Variants in ATF2 observed in about 807,000 individuals in gnomAD.
The protein encoded by ATF2 is activating transcription factor 2.
In ATF2, 24 loss-of-function variants were observed where a neutral mutation model predicts 60.6. The observed-to-expected ratio is 0.40, with a 90% CI of 0.29 to 0.56. ATF2 has a LOEUF of 0.56. Among genes scored for constraint, ATF2 ranks in the 20% least tolerant of loss-of-function variants. The pLI, the probability that ATF2 is intolerant of heterozygous loss-of-function variation, is 0.54. For synonymous variants in ATF2, 206 were observed against 215.4 expected, an observed-to-expected ratio of 0.96 and a Z score of 0.38; for missense variants, 433 against 607.7, an observed-to-expected ratio of 0.71 and a Z score of 3.02.
rs371270320 is a variant in ATF2, at chr2:175,142,685, AAGAGAGAGAG to A, written c.-43-6209_-43-6200del. 8.3e-3 allele frequency among the ~76,000 whole-genome samples: 1,043 copies of A among 126,404 alleles called. 13 individuals are homozygous for A. The highest frequency in any genetic ancestry group is 0.029 in the African/African-American group (958 of 32,794). 82.9% of individuals were successfully genotyped at this position (126,404 alleles called of 152,430 possible). On this transcript the variant is annotated intron_variant, in intron 2 of 13. Coordinates refer to ENST00000264110, the MANE Select transcript of ATF2 (RefSeq NM_001880.4). ...TTCTAAAAAACCCTAACGCTGCCGA[AAGAGAGAGAG>A]AGAGAGAGAGAGAGAGAGAGAGAGA...
At chr2:175,131,048 G>T (rs1559096887) in intron 3 of ATF2, among the ~76,000 whole-genome samples, 1 of 152,150 alleles carries the variant, frequency 6.6e-6, no homozygotes, top group South Asian at 2.1e-4. Flanking sequence ...ACTGCTTCAT[G>T]TTTAAAGCAT....
intron 2 of ATF2, among the ~76,000 whole-genome samples, chr2:175,141,593 C>A (rs12999002): frequency 1.3e-5 from 2 of 151,860 alleles, no homozygotes; most frequent in Non-Finnish European, 2.9e-5. Flanking sequence ...CCCGGGTTCA[C>A]GCCATTCTCC....
At chr2:175,075,810 A>T (rs1420611088) in intron 13 of ATF2, among the ~76,000 whole-genome samples, 2 of 152,210 alleles carry the variant, frequency 1.3e-5, no homozygotes, top group Non-Finnish European at 2.9e-5. Context: ...TTTTCTCTGC[A>T]GTTTTACCAC....
intron 10 of ATF2, among the ~76,000 whole-genome samples, chr2:175,097,902 C>T (rs998393859): frequency 3.3e-5 from 5 of 152,108 alleles, no homozygotes; most frequent in African/African-American, 1.2e-4. Context: ...TTTCCCTGTC[C>T]CCAGTAAGCA....
At chr2:175,112,736 T>C (rs1574400576) in intron 9 of ATF2, among the ~76,000 whole-genome samples, 1 of 152,126 alleles carries the variant, frequency 6.6e-6, no homozygotes, top group African/African-American at 2.4e-5. Flanking sequence ...GGTGCTTCCA[T>C]CACAACTGGC....
chr2:175,155,786 T>G (rs534879663), intron 1 of ATF2, among the ~76,000 whole-genome samples: 1 of 152,292 alleles, frequency 6.6e-6, no homozygotes, highest in South Asian at 2.1e-4. Flanking sequence ...TTCAAGCTTG[T>G]TTTTTAAAAC....
intron 12 of ATF2, among the ~76,000 whole-genome samples, chr2:175,087,028 A>G (rs1366957169): frequency 1.3e-5 from 2 of 152,136 alleles, no homozygotes; most frequent in African/African-American, 4.8e-5. Flanking sequence ...CAAAATAAAT[A>G]TCAAGGGGAT....
intron 1 of ATF2, among the ~76,000 whole-genome samples, chr2:175,160,544 T>C (rs2105361470): frequency 6.6e-6 from 1 of 152,304 alleles, no homozygotes; most frequent in Middle Eastern, 3.4e-3. Flanking sequence ...TCAACAATCA[T>C]TAAAACCTAC....
At chr2:175,148,667 C>CT (rs1699107268) in intron 2 of ATF2, among the ~76,000 whole-genome samples, 3 of 152,172 alleles carry the variant, frequency 2.0e-5, no homozygotes, top group South Asian at 4.1e-4. Context: ...AGAACAGACT[C>CT]TTTAAGTCTG....
At chr2:175,113,620 CAG>C (rs1179389796) in intron 9 of ATF2, among the ~76,000 whole-genome samples, 1 of 152,054 alleles carries the variant, frequency 6.6e-6, no homozygotes, top group Non-Finnish European at 1.5e-5. Flanking sequence ...CACAAAAATT[CAG>C]AGTGTGTCTT....
intron 10 of ATF2, among the ~76,000 whole-genome samples, chr2:175,110,322 G>A (rs1443934638): frequency 2.5e-5 from 3 of 121,918 alleles, no homozygotes; most frequent in Middle Eastern, 4.5e-3. Context: ...GTGAGAGAGC[G>A]AGACTCCATC....
chr2:175,135,709 A>G (rs1698094277), intron 3 of ATF2, among the ~76,000 whole-genome samples: 1 of 152,168 alleles, frequency 6.6e-6, no homozygotes, highest in Admixed American at 6.5e-5. Flanking sequence ...GATTTGAACA[A>G]AACAAATGCA....
At chr2:175,092,937 A>G in intron 12 of ATF2, 124 bp downstream of exon 12, 2 of 969,544 alleles carry the variant, frequency 2.1e-6, no homozygotes, top group South Asian at 3.3e-5. Context: ...ATGATTTACT[A>G]TAGATTCCAT....
At chr2:175,136,390 A>G (rs1253167307) in intron 3 of ATF2, 22 bp downstream of exon 3, 1 of 1,606,826 alleles carries the variant, frequency 6.2e-7, no homozygotes, top group African/African-American at 1.3e-5. Flanking sequence ...ATGGCTAAAA[A>G]TACCAAATAT....
chr2:175,091,790 G>A (rs182619476), intron 12 of ATF2, among the ~76,000 whole-genome samples: 464 of 152,322 alleles, frequency 3.0e-3, no homozygotes, highest in Middle Eastern at 0.014. Flanking sequence ...TGGCACCCGG[G>A]AGCTGGAGGT....
chr2:175,146,927 A>G lies in ATF2; in HGVS notation c.-44+4133T>C, dbSNP rs538258877. Among the ~76,000 whole-genome samples the G allele has an allele frequency of 3.2e-4, 49 of 152,290 alleles. 1 individual carries two copies. Among genetic ancestry groups the G allele is most frequent in the African/African-American group, 1.1e-3 (45 of 41,562 alleles). ...ACCATTATATAATTAGCATCGATGT[A>G]GTTTGTAGCAGTAGTCATGAAAAAA... is the stretch of plus-strand genomic sequence containing the variant. On this transcript the variant is annotated intron_variant, in intron 2 of 13. Transcript: ENST00000264110.
chr2:175,167,681 GC>G, intron 1 of ATF2: 1 of 505,062 alleles, frequency 2.0e-6, no homozygotes, highest in South Asian at 1.5e-5. Context: ...CTCGACGCGC[GC>G]CCCGAGGACC....
At chr2:175,075,669 A>G (rs1693242126) in intron 13 of ATF2, among the ~76,000 whole-genome samples, 1 of 152,206 alleles carries the variant, frequency 6.6e-6, no homozygotes. Context: ...AGGAACAATG[A>G]TAACATGAAC....
At chr2:175,128,383 C>A (rs772976248) in intron 4 of ATF2, among the ~76,000 whole-genome samples, 7 of 151,932 alleles carry the variant, frequency 4.6e-5, no homozygotes, top group Non-Finnish European at 7.4e-5. Context: ...GCCTGTAATC[C>A]AAGCTACTTG....
Sources: allele counts gnomAD v4.1 joint callset (sites outside exome capture counted in the v4.1 genomes callset), GRCh38; gene constraint gnomAD v4.1.1; transcripts MANE v1.5; gene names NCBI Gene and HGNC (gene_info 2026-07-23, HGNC 2026-07-21).